PSAPL1: variants seen among roughly 807,000 people sequenced by gnomAD.
The protein encoded by PSAPL1 is prosaposin like 1.
For synonymous variants in PSAPL1, 351 were observed against 291.6 expected, an observed-to-expected ratio of 1.20 and a Z score of -2.08; for missense variants, 814 against 688.8, an observed-to-expected ratio of 1.18 and a Z score of -2.03.
Position 7,433,834 on chromosome 4 carries a change from T to C in PSAPL1, c.1046A>G (p.Gln349Arg). The C allele has an allele frequency of 6.2e-7, 1 of 1,613,856 alleles. No homozygotes were observed. Among genetic ancestry groups the C allele is most frequent in the South Asian group, 1.1e-5 (1 of 91,072 alleles). Residue 349 changes from glutamine (Q) to arginine (R), a missense_variant, in exon 1 of 1, where the codon CAG becomes CGG. Transcript: ENST00000319098. ...CTCTGGGGTGATTTTGGCCACAAGCTGCACCAAGGAGGGGCTGTAGGTGTC... is the reference window on the plus strand; with the variant it reads ...CTCTGGGGTGATTTTGGCCACAAGCCGCACCAAGGAGGGGCTGTAGGTGTC... The part of the protein sequence containing the change: ...LVDTYSPSLV[Q>R]LVAKITPEKV...
chr4:7,433,724 CTG>C, the PSAPL1 span: 1 of 1,613,256 alleles, frequency 6.2e-7, no homozygotes. Flanking sequence ...GCGTCCCACT[CTG>C]GGGACGGCAC....
At position 7,433,630 on chromosome 4, in the gene PSAPL1, C is replaced by G. The variant is rs747716104; in HGVS notation, c.1250G>C (p.Arg417Pro). Reference protein sequence around the residue: ...SHNLESKSTKRDILVAFKGGC... With the variant: ...SHNLESKSTKPDILVAFKGGC... ...ACCCTTGAAGGCCACCAGGATGTCTCGCTTGGTGCTCTTGCTCTCCAAGTT... is the reference window on the plus strand; with the variant it reads ...ACCCTTGAAGGCCACCAGGATGTCTGGCTTGGTGCTCTTGCTCTCCAAGTT... Residue 417 changes from arginine (R) to proline (P), a missense_variant, in exon 1 of 1, where the codon CGA (arginine) becomes CCA (proline). Coordinates refer to ENST00000319098, the MANE Select transcript of PSAPL1 (RefSeq NM_001085382.2). The G allele has an allele frequency of 6.2e-6, 10 of 1,610,808 alleles. No homozygotes were observed. The highest frequency in any genetic ancestry group is 8.5e-6 in the Non-Finnish European group (10 of 1,178,400).
Position 7,432,685 on chromosome 4 carries a change from T to TG in PSAPL1, c.*628dup, listed in dbSNP as rs72355702. On this transcript the variant is annotated 3_prime_UTR_variant, in exon 1 of 1. Transcript: ENST00000319098. Reference sequence around the variant, plus strand: ...GAGGGACCCTGTAGTGGCTGAGACATGGGGGGGGACTGCTCCGAAGCCCAG... The same window carrying TG: ...GAGGGACCCTGTAGTGGCTGAGACATGGGGGGGGGACTGCTCCGAAGCCCAG... The TG allele has an allele frequency of 3.4e-4, 52 of 151,632 alleles. 1 individual carries two copies. Among genetic ancestry groups the TG allele is most frequent in the Middle Eastern group, 3.4e-3 (1 of 296 alleles). 9.4% of individuals were successfully genotyped at this position (151,632 alleles called of 1,614,324 possible).
the PSAPL1 span, chr4:7,433,361 T>A: frequency 1.9e-5 from 27 of 1,447,320 alleles, no homozygotes; most frequent in African/African-American, 3.6e-4. Context: ...CATACATGCT[T>A]CTGGCAGTGT....
In PSAPL1 at chr4:7,434,125, C is replaced by A. The variant is rs201944936; in HGVS notation, c.755G>T (p.Gly252Val). 130 of 1,612,934 alleles carry A rather than the reference C, an allele frequency of 8.1e-5. 2 individuals are homozygous for A. Among genetic ancestry groups the A allele is most frequent in the Middle Eastern group, 5.0e-4 (3 of 6,052 alleles). ...LPPQELCRKG[G>V]FCEELGAPAR... ...AGGTGCCCCTAGCTCCTCACAGAAT[C>A]CCCCCTTCCTGCAGAGCTCCTGCGG... is the stretch of plus-strand genomic sequence containing the variant. The change falls in exon 1 of 1, where the codon GGA becomes GTA. Residue 252 changes from glycine to valine, a missense_variant. By Grantham distance (109) the Gly-to-Val change is moderately radical. Coordinates refer to ENST00000319098, the MANE Select transcript of PSAPL1 (RefSeq NM_001085382.2).
In PSAPL1 at chr4:7,434,160, C is replaced by G. The variant is rs146589550; in HGVS notation, c.720G>C (p.Arg240Ser). The change falls in exon 1 of 1, where the codon AGG becomes AGC. Residue 240 changes from arginine to serine, a missense_variant. Transcript: ENST00000319098. ...TGCAGAGCTCCTGCGGGGGGAGAAGCCTCAGTGCTTGGTCAGCAGGGACAA... is the reference window on the plus strand; with the variant it reads ...TGCAGAGCTCCTGCGGGGGGAGAAGGCTCAGTGCTTGGTCAGCAGGGACAA... ...QFFVPADQAL[R>S]LLPPQELCRK... 2.1e-3 allele frequency: 3,358 copies of G among 1,613,928 alleles called. 5 individuals are homozygous for G. The highest frequency in any genetic ancestry group is 2.6e-3 in the Non-Finnish European group (3,071 of 1,179,890).
chr4:7,433,153 G>T lies in PSAPL1; in HGVS notation c.*161C>A. ...AAGCTGTGCGGCACCGTTGTTAAGA[G>T]AGAGGCTTTCGGGATCAGGAATACT... On this transcript the variant is annotated 3_prime_UTR_variant, in exon 1 of 1. Transcript: ENST00000319098. The T allele has an allele frequency of 1.4e-6, 1 of 696,648 alleles. No individual in the cohort carries two copies. The highest frequency in any genetic ancestry group is 2.1e-6 in the Non-Finnish European group (1 of 483,178). The allele number at this position is 696,648 out of a possible 1,614,324, so 43.2% of individuals were successfully genotyped here. A position where few individuals can be genotyped will look rare whatever the true frequency, so the allele number is the denominator to read the frequency against.
chr4:7,434,706 G>T lies in PSAPL1; in HGVS notation c.174C>A (p.Thr58=), dbSNP rs141587138. 1.2e-6 allele frequency: 2 copies of T among 1,612,736 alleles called. No homozygotes were observed. Among genetic ancestry groups the T allele is most frequent in the African/African-American group, 2.7e-5 (2 of 74,910 alleles). Residue 58 remains threonine (T), a synonymous_variant, in exon 1 of 1, where the codon ACC becomes ACA. Transcript: ENST00000319098. ...ATACGTCGCAGGGCAGAGACTTCGCGGTGGGTTTGTTCCATACGGCCCCTT... is the reference window on the plus strand; with the variant it reads ...ATACGTCGCAGGGCAGAGACTTCGCTGTGGGTTTGTTCCATACGGCCCCTT... ...YCQGAVWNKP[T]AKSLPCDVCQ...
rs752907978 is a variant in PSAPL1, at chr4:7,434,211, G to A, written c.669C>T (p.Leu223=). Residue 223 remains leucine (L), a synonymous_variant, in exon 1 of 1, where the codon CTC becomes CTT. Transcript: ENST00000319098. ...CESLGPGLAV[L]CKNYLFQFFV... ...AAAACTGGAAGAGGTAGTTCTTGCA[G>A]AGGACGGCCAGGCCAGGCCCCAAGG... 1 of 1,613,740 alleles carries A rather than the reference G, an allele frequency of 6.2e-7. No homozygotes were observed. The highest frequency in any genetic ancestry group is 8.5e-7 in the Non-Finnish European group (1 of 1,179,908).
In PSAPL1 at chr4:7,433,439, G is replaced by T; in HGVS notation, c.1441C>A (p.Gln481Lys). The T allele has an allele frequency of 6.5e-7, 1 of 1,537,210 alleles. No homozygotes were observed. Among genetic ancestry groups the T allele is most frequent in the Non-Finnish European group, 8.7e-7 (1 of 1,143,786 alleles). Reference sequence around the variant, plus strand: ...CAGAAGCTTGGGCCCAGGGCACACTGGTCGGTGCCCAGCAGTGGGGTCCTG... The same window carrying T: ...CAGAAGCTTGGGCCCAGGGCACACTTGTCGGTGCCCAGCAGTGGGGTCCTG... Reference protein sequence around the residue: ...GPRTPLLGTDQCALGPSFWCR... With the variant: ...GPRTPLLGTDKCALGPSFWCR... The change falls in exon 1 of 1, where the codon CAG becomes AAG. Residue 481 changes from glutamine (Q) to lysine (K), a missense_variant. By Grantham distance (53) the Gln-to-Lys change is moderately conservative. Coordinates refer to ENST00000319098, the MANE Select transcript of PSAPL1 (RefSeq NM_001085382.2).
Position 7,434,728 on chromosome 4 carries a change from C to A in PSAPL1, c.152G>T (p.Gly51Val), listed in dbSNP as rs1466795763. 11 of 1,613,034 alleles carry A rather than the reference C, an allele frequency of 6.8e-6. No individual in the cohort carries two copies. In the African/African-American group the frequency reaches 1.2e-4, roughly 18 times the overall value. The change falls in exon 1 of 1, where the codon GGG becomes GTG. Residue 51 changes from glycine to valine, a missense_variant. Transcript: ENST00000319098. ...CGCGGTGGGTTTGTTCCATACGGCC[C>A]CTTGGCAGTACCCCACAGCCCCGCA... Reference protein sequence around the residue: ...ARCGAVGYCQGAVWNKPTAKS... With the variant: ...ARCGAVGYCQVAVWNKPTAKS...
Position 7,433,323 on chromosome 4 carries a change from T to C in PSAPL1, c.1557A>G (p.Glu519=). The C allele has an allele frequency of 7.1e-7, 1 of 1,408,436 alleles. No individual in the cohort carries two copies. Among genetic ancestry groups the C allele is most frequent in the South Asian group, 1.8e-5 (1 of 56,806 alleles). The allele number at this position is 1,408,436 out of a possible 1,614,324, so 87.2% of individuals were successfully genotyped here. A position where few individuals can be genotyped will look rare whatever the true frequency, so the allele number is the denominator to read the frequency against. The part of the protein sequence containing the change: ...VWKEMHLHAG[E]HA ...TCTCTGGCAGCCACGGTCACGCGTG[T>C]TCCCCAGCGTGGAGGTGCATCTCTT... The change falls in exon 1 of 1, where the codon GAA becomes GAG. Residue 519 remains glutamate (E), a synonymous_variant. Transcript: ENST00000319098.
rs757654468 is a variant in PSAPL1 at position 7,434,200 on chromosome 4, T to G, written c.680A>C (p.Tyr227Ser). 54 of 1,613,492 alleles carry G rather than the reference T, an allele frequency of 3.3e-5. No individual in the cohort carries two copies. The highest frequency in any genetic ancestry group is 4.5e-5 in the Non-Finnish European group (53 of 1,179,876). ...GPGLAVLCKN[Y>S]LFQFFVPADQ... is the part of the protein sequence containing the mutation. ...AGCAGGGACAAAAAACTGGAAGAGG[T>G]AGTTCTTGCAGAGGACGGCCAGGCC... Residue 227 changes from tyrosine (Y) to serine (S), a missense_variant, in exon 1 of 1, where the codon TAC (tyrosine) becomes TCC (serine). Transcript: ENST00000319098.
rs964560627 is a variant in PSAPL1, at chr4:7,431,800, C to T, written c.*1514G>A. On this transcript the variant is annotated 3_prime_UTR_variant, in exon 1 of 1. Coordinates refer to ENST00000319098, the MANE Select transcript of PSAPL1 (RefSeq NM_001085382.2). ...GCCCAGTGTGCCTGTGTTCCTGGGG[C>T]GGTGGCCCAGGTCTGCGACGTTTAC... is the stretch of plus-strand genomic sequence containing the variant. 3.9e-5 allele frequency: 6 copies of T among 152,230 alleles called. No homozygotes were observed. Among genetic ancestry groups the T allele is most frequent in the Non-Finnish European group, 7.3e-5 (5 of 68,052 alleles). 9.4% of individuals were successfully genotyped at this position (152,230 alleles called of 1,614,324 possible).
the PSAPL1 span, chr4:7,434,072 CCA>C: frequency 6.2e-7 from 1 of 1,611,368 alleles, no homozygotes; most frequent in Non-Finnish European, 8.5e-7. Flanking sequence ...GGGACCCCGT[CCA>C]TGGCCACTAC....
rs4689746 is a variant in PSAPL1 at position 7,433,652 on chromosome 4, A to G, written c.1228T>C (p.Leu410=). 1,606,902 of 1,609,896 alleles carry G rather than the reference A, an allele frequency of 1. 801,999 individuals are homozygous for G. The highest frequency in any genetic ancestry group is 1 in the East Asian group (44,754 of 44,754). ...KRLLTVSSHN[L]ESKSTKRDIL... ...TCTCGCTTGGTGCTCTTGCTCTCCA[A>G]GTTGTGGGAGGACACCGTGAGCAGC... is the stretch of plus-strand genomic sequence containing the variant. The change falls in exon 1 of 1, where the codon TTG becomes CTG. Residue 410 remains leucine (L), a synonymous_variant. Coordinates refer to ENST00000319098, the MANE Select transcript of PSAPL1 (RefSeq NM_001085382.2).
Position 7,434,684 on chromosome 4 carries a change from C to G in PSAPL1, c.196G>C (p.Val66Leu). ...GCGGCGGCTGCTATGTCCTGGCATA[C>G]GTCGCAGGGCAGAGACTTCGCGGTG... ...KPTAKSLPCDVCQDIAAAAGN... is the reference protein window; with the variant it reads ...KPTAKSLPCDLCQDIAAAAGN... Residue 66 changes from valine to leucine, a missense_variant, in exon 1 of 1, where the codon GTA becomes CTA. Transcript: ENST00000319098. 1.2e-6 allele frequency: 2 copies of G among 1,612,756 alleles called. No individual in the cohort carries two copies. The highest frequency in any genetic ancestry group is 1.7e-6 in the Non-Finnish European group (2 of 1,179,492).
In PSAPL1 at chr4:7,434,836, G is replaced by T. The variant is rs1257743424; in HGVS notation, c.44C>A (p.Thr15Asn). The T allele has an allele frequency of 6.3e-7, 1 of 1,593,492 alleles. No individual in the cohort carries two copies. Among genetic ancestry groups the T allele is most frequent in the South Asian group, 1.1e-5 (1 of 88,208 alleles). The change falls in exon 1 of 1, where the codon ACC becomes AAC. Residue 15 changes from threonine (T) to asparagine (N), a missense_variant. Thr to Asn is a moderately conservative substitution (Grantham distance 65). Coordinates refer to ENST00000319098, the MANE Select transcript of PSAPL1 (RefSeq NM_001085382.2). ...LLLLPSLLGA[T>N]RASPTSGPQE... The stretch of plus-strand genomic sequence containing the variant: ...GGGGCCTGAGGTGGGGCTGGCCCTG[G>T]TGGCCCCCAGGAGGCTGGGCAGGAG...
rs758706865 is a variant in PSAPL1 at position 7,434,335 on chromosome 4, G to T, written c.545C>A (p.Ala182Asp). The stretch of plus-strand genomic sequence containing the variant: ...CTGCCGTACACAGTCTTGGCACAGA[G>T]CTCCTTCAGGCGCCTGGCGGGGGTG... The part of the protein sequence containing the change: ...TFHPRQAPEG[A>D]LCQDCVRQVS... The change falls in exon 1 of 1, where the codon GCT becomes GAT. Residue 182 changes from alanine to aspartate, a missense_variant. By Grantham distance (126) the Ala-to-Asp change is moderately radical. Coordinates refer to ENST00000319098, the MANE Select transcript of PSAPL1 (RefSeq NM_001085382.2). 2.5e-5 allele frequency: 40 copies of T among 1,610,194 alleles called. No individual in the cohort carries two copies. Among genetic ancestry groups the T allele is most frequent in the Non-Finnish European group, 2.9e-5 (34 of 1,178,628 alleles).
Sources: allele counts gnomAD v4.1 joint callset, GRCh38; gene constraint gnomAD v4.1.1; transcripts MANE v1.5; gene names NCBI Gene and HGNC (gene_info 2026-07-23, HGNC 2026-07-21).